Variants in PHACTR3 observed in about 807,000 individuals in gnomAD.
PHACTR3 encodes the protein phosphatase and actin regulator 3, also known as protein phosphatase 1, regulatory subunit 123.
In PHACTR3, 16 loss-of-function variants were observed where a neutral mutation model predicts 66.8. The observed-to-expected ratio is 0.24, with a 90% CI of 0.16 to 0.36. The LOEUF (loss-of-function observed/expected upper bound fraction) is 0.36. PHACTR3 is among the 10% of genes least tolerant of loss of function. The probability of loss-of-function intolerance (pLI) is 1.00; values close to 1 mark genes in which losing one functional copy is unlikely to be tolerated. For synonymous variants in PHACTR3, 323 were observed against 292.1 expected, an observed-to-expected ratio of 1.11 and a Z score of -1.08; for missense variants, 647 against 719.9, an observed-to-expected ratio of 0.90 and a Z score of 1.16.
intron 1 of PHACTR3, among the ~76,000 whole-genome samples, chr20:59,726,280 GC>G (rs1171211163): frequency 6.6e-6 from 1 of 152,076 alleles, no homozygotes. Flanking sequence ...CTTTTTGTTG[GC>G]CCCCCAATCC....
intron 5 of PHACTR3, among the ~76,000 whole-genome samples, chr20:59,772,460 G>T (rs1328729812): frequency 1.3e-5 from 2 of 152,216 alleles, no homozygotes; most frequent in Non-Finnish European, 2.9e-5. Flanking sequence ...GTCAGGGCAG[G>T]CTCAGGTCCC....
chr20:59,717,583 A>G (rs1181304041), intron 1 of PHACTR3, among the ~76,000 whole-genome samples: 1 of 152,222 alleles, frequency 6.6e-6, no homozygotes, highest in East Asian at 1.9e-4. Flanking sequence ...ACTCGCTCAC[A>G]GCCTGGTGCA....
intron 7 of PHACTR3, among the ~76,000 whole-genome samples, chr20:59,792,794 GTC>G (rs1437630432): frequency 6.6e-6 from 1 of 152,174 alleles, no homozygotes; most frequent in African/African-American, 2.4e-5. Context: ...TGGTCTGTGT[GTC>G]TGTTTTTATG....
intron 12 of PHACTR3, among the ~76,000 whole-genome samples, chr20:59,845,744 G>C (rs936386401): frequency 1.3e-5 from 2 of 152,098 alleles, no homozygotes; most frequent in African/African-American, 4.8e-5. Context: ...GTAAATATTT[G>C]AGTAAGTGCT....
rs1242437479 is a variant in PHACTR3, at chr20:59,806,066, G to A, written c.1200G>A (p.Lys400=). ...GAACACTGCCACGGAAATGCAAGAA[G>A]GAGCTCCTGGCCGTGAAGCTAAGGA... ...ISGTLPRKCK[K]ELLAVKLRNR... The change falls in exon 8 of 13, where the codon AAG becomes AAA. Residue 400 remains lysine, a synonymous_variant. Transcript: ENST00000371015. 1 of 1,614,120 alleles carries A rather than the reference G, an allele frequency of 6.2e-7. No homozygotes were observed. The highest frequency in any genetic ancestry group is 2.2e-5 in the East Asian group (1 of 44,890).
chr20:59,645,824 G>C (rs1024798610), intron 1 of PHACTR3, among the ~76,000 whole-genome samples: 11 of 152,112 alleles, frequency 7.2e-5, no homozygotes, highest in Admixed American at 7.2e-4. Context: ...ATCTAGCTCA[G>C]TGCCTGGCAC....
chr20:59,605,277 C>G, intron 1 of PHACTR3, 145 bp downstream of exon 1: 1 of 506,310 alleles, frequency 2.0e-6, no homozygotes, highest in Non-Finnish European at 3.1e-6. Context: ...GTTCCTATCC[C>G]CAGTCTCGCA....
At chr20:59,618,432 A>G (rs866379449) in intron 1 of PHACTR3, among the ~76,000 whole-genome samples, 24 of 152,342 alleles carry the variant, frequency 1.6e-4, no homozygotes, top group African/African-American at 5.5e-4. Flanking sequence ...AATGGGTCCC[A>G]GGAAGGCAGC....
Position 59,704,294 on chromosome 20 carries a change from G to T in PHACTR3, c.119-38813G>T, listed in dbSNP as rs577706952. Among the ~76,000 whole-genome samples, 4 of 152,230 alleles carry T rather than the reference G, an allele frequency of 2.6e-5. No individual in the cohort carries two copies. The South Asian group carries it at 8.3e-4, about 32-fold the overall frequency. ...TTAGTAGCATTCTGATTTTGCTATG[G>T]TATGTTTTCATGTTCAGAAGTTTGA... On this transcript the variant is annotated intron_variant, in intron 1 of 12. Coordinates refer to ENST00000371015, the MANE Select transcript of PHACTR3 (RefSeq NM_080672.5).
At position 59,743,108 on chromosome 20, in the gene PHACTR3, T is replaced by A. The variant is rs758198737; in HGVS notation, c.120T>A (p.Asp40Glu). 6.2e-7 allele frequency: 1 copy of A among 1,612,160 alleles called. No individual in the cohort carries two copies. Among genetic ancestry groups the A allele is most frequent in the Non-Finnish European group, 8.5e-7 (1 of 1,179,082 alleles). The stretch of plus-strand genomic sequence containing the variant: ...ACCCCCTTGGTTTTCGTCTTCCAGA[T>A]GAGATGGACCAAACGCCCCCGGCGC... The part of the protein sequence containing the change: ...TSSADAGENP[D>E]EMDQTPPARP... The change falls in exon 2 of 13, where the codon GAT (aspartate) becomes GAA (glutamate). Residue 40 changes from aspartate to glutamate, a missense_variant and splice_region_variant. Physicochemically the swap from Asp to Glu is conservative, Grantham distance 45 (BLOSUM62 2). Around this residue, in one of 2 missense-constraint regions of PHACTR3, gnomAD observed 577 missense variants for 571.1 expected, o/e 1.01. Coordinates refer to ENST00000371015, the MANE Select transcript of PHACTR3 (RefSeq NM_080672.5).
chr20:59,751,514 C>A (rs1488244479), intron 3 of PHACTR3, among the ~76,000 whole-genome samples: 1 of 152,180 alleles, frequency 6.6e-6, no homozygotes, highest in Non-Finnish European at 1.5e-5. Flanking sequence ...CTGGAGCTTG[C>A]CCTGAAGCAG....
Position 59,747,798 on chromosome 20 carries a change from G to A in PHACTR3, c.321G>A (p.Glu107=), listed in dbSNP as rs747310745. 3.7e-6 allele frequency: 6 copies of A among 1,614,120 alleles called. No homozygotes were observed. In the South Asian group the frequency reaches 5.5e-5, roughly 15 times the overall value. The change falls in exon 3 of 13, where the codon GAG becomes GAA. Residue 107 remains glutamate, a synonymous_variant. Transcript: ENST00000371015. ...TGGCCGGCAGGCAAGGCCGAGAGGA[G>A]CTCATCAAGAAGGGGCTGCTGGAGA... The part of the protein sequence containing the change: ...KKMAGRQGRE[E]LIKKGLLEMM...
intron 1 of PHACTR3, among the ~76,000 whole-genome samples, chr20:59,699,580 C>A (rs1405064189): frequency 6.6e-6 from 1 of 152,116 alleles, no homozygotes; most frequent in African/African-American, 2.4e-5. Flanking sequence ...ATAGACAATA[C>A]ATGTATATGG....
At chr20:59,650,042 A>C (rs1383387092) in intron 1 of PHACTR3, among the ~76,000 whole-genome samples, 1 of 152,226 alleles carries the variant, frequency 6.6e-6, no homozygotes, top group African/African-American at 2.4e-5. Flanking sequence ...TCTAGATATA[A>C]AATAATATTC....
intron 1 of PHACTR3, among the ~76,000 whole-genome samples, chr20:59,622,721 A>G (rs1006016311): frequency 1.3e-5 from 2 of 151,942 alleles, no homozygotes; most frequent in African/African-American, 4.8e-5. Flanking sequence ...GGGGTTAGAG[A>G]TGCCTCGGGA....
At chr20:59,835,638 C>T (rs955457525) in intron 8 of PHACTR3, among the ~76,000 whole-genome samples, 1 of 152,162 alleles carries the variant, frequency 6.6e-6, no homozygotes, top group Non-Finnish European at 1.5e-5. Context: ...TAAAAATAAT[C>T]AGAGCTTGGC....
chr20:59,847,402 T>C lies in PHACTR3; in HGVS notation c.*272T>C. The C allele has an allele frequency of 3.0e-6, 1 of 335,974 alleles. No individual in the cohort carries two copies. Among genetic ancestry groups the C allele is most frequent in the Non-Finnish European group, 5.6e-6 (1 of 179,250 alleles). The allele number at this position is 335,974 out of a possible 1,614,324, so 20.8% of individuals were successfully genotyped here. On this transcript the variant is annotated 3_prime_UTR_variant, in exon 13 of 13. Coordinates refer to ENST00000371015, the MANE Select transcript of PHACTR3 (RefSeq NM_080672.5). The stretch of plus-strand genomic sequence containing the variant: ...AACTCTATCAGAAGAAAACTGTTGT[T>C]TGCCTTTCAACCTTGTTTTACAGTT...
chr20:59,662,466 A>G lies in PHACTR3; in HGVS notation c.118+57334A>G, dbSNP rs560478904. Among the ~76,000 whole-genome samples, 26 of 152,256 alleles carry G rather than the reference A, an allele frequency of 1.7e-4. No individual in the cohort carries two copies. The South Asian group carries it at 5.0e-3, about 29-fold the overall frequency. ...GGGGTCCTGAGCAGGAGAGAGCAGG[A>G]TGTATGGACCAACGAAAGGCCCATG... On this transcript the variant is annotated intron_variant, in intron 1 of 12. Transcript: ENST00000371015.
At chr20:59,664,699 C>A (rs991908764) in intron 1 of PHACTR3, among the ~76,000 whole-genome samples, 1 of 152,246 alleles carries the variant, frequency 6.6e-6, no homozygotes, top group Non-Finnish European at 1.5e-5. Flanking sequence ...GGGCTGCTTG[C>A]CAATCCTTTT....
Sources: allele counts gnomAD v4.1 joint callset (sites outside exome capture counted in the v4.1 genomes callset), GRCh38; gene constraint gnomAD v4.1.1; regional missense constraint gnomAD v4.1.1; transcripts MANE v1.5; gene names NCBI Gene and HGNC (gene_info 2026-07-23, HGNC 2026-07-21).